The following JAML variants were observed in gnomAD, a reference collection of about 807,000 sequenced individuals.
JAML encodes junctional adhesion molecule-like.
In JAML, 25 loss-of-function variants were observed where a neutral mutation model predicts 39.3. That is an observed-to-expected ratio of 0.64 (90% CI 0.46 to 0.89). The LOEUF (loss-of-function observed/expected upper bound fraction) is 0.89. Ranked by LOEUF, JAML falls within the 40% of genes least tolerant of loss-of-function variation. The pLI, the probability that JAML is intolerant of heterozygous loss-of-function variation, is 0.00. For synonymous variants in JAML, 162 were observed against 179.2 expected, an observed-to-expected ratio of 0.90 and a Z score of 0.77; for missense variants, 440 against 486.9, an observed-to-expected ratio of 0.90 and a Z score of 0.91.
chr11:118,200,307 G>A (rs530950795), intron 7 of JAML, among the ~76,000 whole-genome samples, 167 bp downstream of exon 7: 23 of 152,114 alleles, frequency 1.5e-4, no homozygotes, highest in African/African-American at 3.6e-4. Flanking sequence ...TTCTTTTCCC[G>A]GGCACAGTAA....
At chr11:118,205,229 C>T (rs1041020568) in intron 5 of JAML, 24 of 152,194 alleles carry the variant, frequency 1.6e-4, no homozygotes, top group African/African-American at 5.8e-4. Context: ...TGCAACTTAA[C>T]TTTTATTAAT....
chr11:118,198,904 T>A (rs1948717581), intron 7 of JAML, among the ~76,000 whole-genome samples: 1 of 152,206 alleles, frequency 6.6e-6, no homozygotes, highest in Admixed American at 6.5e-5. Flanking sequence ...ATTACCCACA[T>A]TTTACAACTG....
chr11:118,199,911 T>A (rs1383401433), intron 7 of JAML, among the ~76,000 whole-genome samples: 1 of 152,034 alleles, frequency 6.6e-6, no homozygotes, highest in Non-Finnish European at 1.5e-5. Context: ...TTAGCAAGGA[T>A]GGTCTCGATC....
At chr11:118,196,344 T>C (rs1591455573) in intron 9 of JAML, among the ~76,000 whole-genome samples, 2 of 152,014 alleles carry the variant, frequency 1.3e-5, no homozygotes, top group African/African-American at 4.8e-5. Context: ...GCCAGGCTGG[T>C]CTTGAACTCC....
chr11:118,215,021 C>T (rs575291208), intron 1 of JAML, 135 bp from the exon 2 acceptor site: 58 of 689,938 alleles, frequency 8.4e-5, no homozygotes, highest in African/African-American at 6.6e-4. Context: ...GAAAAACAGA[C>T]GAGGTCCCAG....
At chr11:118,211,028 T>C (rs1290672278) in intron 3 of JAML, among the ~76,000 whole-genome samples, 1 of 152,186 alleles carries the variant, frequency 6.6e-6, no homozygotes, top group Non-Finnish European at 1.5e-5. Flanking sequence ...CCATCTCTCA[T>C]TTTCACCCTA....
In JAML at chr11:118,196,792, C is replaced by T. The variant is rs1285128140; in HGVS notation, c.1035G>A (p.Arg345=). 1.3e-5 allele frequency: 21 copies of T among 1,612,454 alleles called. No individual in the cohort carries two copies. Among genetic ancestry groups the T allele is most frequent in the Non-Finnish European group, 1.8e-5 (21 of 1,178,556 alleles). The change falls in exon 9 of 10, where the codon CGG becomes CGA. Residue 345 remains arginine, a synonymous_variant. Coordinates refer to ENST00000356289, the MANE Select transcript of JAML (RefSeq NM_001098526.2). ...EKHIYSPIIV[R]EVIEEEEPSE... is the part of the protein sequence containing the mutation. Reference sequence around the variant, plus strand: ...TTGGTTCTTCTTCCTCGATCACCTCCCGTACAATTATTGGGGAGTAAATGT... The same window carrying T: ...TTGGTTCTTCTTCCTCGATCACCTCTCGTACAATTATTGGGGAGTAAATGT...
At chr11:118,216,832 C>T (rs1591480913) in intron 1 of JAML, among the ~76,000 whole-genome samples, 1 of 152,180 alleles carries the variant, frequency 6.6e-6, no homozygotes, top group Non-Finnish European at 1.5e-5. Context: ...AACAAAAGAA[C>T]CTCTAGTGAA....
intron 1 of JAML, among the ~76,000 whole-genome samples, chr11:118,215,566 T>C (rs1303118050): frequency 2.0e-5 from 3 of 152,046 alleles, no homozygotes; most frequent in African/African-American, 7.3e-5. Flanking sequence ...CAAGCTGGTC[T>C]CAAACTCCTG....
chr11:118,204,554 T>A (rs1948878216), intron 5 of JAML: 1 of 152,084 alleles, frequency 6.6e-6, no homozygotes, highest in Non-Finnish European at 1.5e-5. Context: ...TGCAAGGCCT[T>A]TGCACTTGCT....
chr11:118,221,136 C>G (rs1049835214), intron 1 of JAML, among the ~76,000 whole-genome samples: 2 of 152,172 alleles, frequency 1.3e-5, no homozygotes, highest in Non-Finnish European at 2.9e-5. Flanking sequence ...CTTTTAGATT[C>G]AGTCACCATT....
chr11:118,213,029 CA>C, intron 2 of JAML: 10 of 1,608,014 alleles, frequency 6.2e-6, no homozygotes, highest in Non-Finnish European at 8.5e-6. Context: ...TTTACAAAAG[CA>C]TTTGCTGGCT....
At position 118,210,685 on chromosome 11, in the gene JAML, T is replaced by C. The variant is rs200131992; in HGVS notation, c.226A>G (p.Asn76Asp). Residue 76 changes from asparagine to aspartate, a missense_variant, in exon 4 of 10, where the codon AAT becomes GAT. By Grantham distance (23) the Asn-to-Asp change is conservative. Coordinates refer to ENST00000356289, the MANE Select transcript of JAML (RefSeq NM_001098526.2). Reference protein sequence around the residue: ...KDEYVLYYYSNLSVPIGRFQN... With the variant: ...KDEYVLYYYSDLSVPIGRFQN... ...AAGCGCCCAATAGGCACACTGAGAT[T>C]GGAGTAATAGTATAGCACATATTCG... is the stretch of plus-strand genomic sequence containing the variant. The C allele has an allele frequency of 1.6e-4, 255 of 1,614,046 alleles. No individual in the cohort carries two copies. Among genetic ancestry groups the C allele is most frequent in the Non-Finnish European group, 5.3e-5 (63 of 1,180,012 alleles).
In JAML at chr11:118,222,832, C is replaced by T. The variant is rs11607355; in HGVS notation, c.-21+2109G>A. Among the ~76,000 whole-genome samples the T allele has an allele frequency of 0.43, 65,817 of 151,958 alleles. 15,640 individuals carry two copies. Among genetic ancestry groups the T allele is most frequent in the South Asian group, 0.72 (3,459 of 4,818 alleles). The stretch of plus-strand genomic sequence containing the variant: ...TGGGACAGCTGGGCATGGTGGCTCA[C>T]GCCTGTCATCCCAGAACTTTGGGAG... On this transcript the variant is annotated intron_variant, in intron 1 of 9. Transcript: ENST00000356289. The surrounding 1 kb of genome is among the most constrained non-coding windows in gnomAD (Gnocchi z 4.2).
intron 6 of JAML, chr11:118,200,862 T>G: frequency 5.3e-6 from 2 of 379,646 alleles, no homozygotes; most frequent in Non-Finnish European, 9.6e-6. Context: ...CTAGTAAAGT[T>G]TCCTTTCACA....
intron 8 of JAML, 53 bp downstream of exon 8, chr11:118,197,945 G>A (rs1268605284): frequency 6.5e-7 from 1 of 1,532,646 alleles, no homozygotes; most frequent in South Asian, 1.1e-5. Flanking sequence ...GGGGGTATGA[G>A]AACGGCCCAG....
At chr11:118,201,402 G>C (rs987857471) in intron 6 of JAML, 5 of 152,254 alleles carry the variant, frequency 3.3e-5, no homozygotes, top group African/African-American at 4.8e-5. Context: ...AGATCTGGAG[G>C]CCTGACAGGA....
chr11:118,210,443 A>G (rs1273776223), intron 4 of JAML, 44 bp downstream of exon 4: 2 of 1,596,000 alleles, frequency 1.3e-6, no homozygotes, highest in Non-Finnish European at 1.7e-6. Flanking sequence ...TTGCACATGA[A>G]AGCTCTTGCC....
chr11:118,215,033 T>C (rs1172387863), intron 1 of JAML, 147 bp from the exon 2 acceptor site: 1 of 643,574 alleles, frequency 1.6e-6, no homozygotes, highest in East Asian at 2.7e-5. Flanking sequence ...AGGTCCCAGC[T>C]CATTTGCAGT....
Sources: allele counts gnomAD v4.1 joint callset (sites outside exome capture counted in the v4.1 genomes callset), GRCh38; gene constraint gnomAD v4.1.1; non-coding constraint Gnocchi (gnomAD v3.1); transcripts MANE v1.5; gene names NCBI Gene and HGNC (gene_info 2026-07-23, HGNC 2026-07-21).